Variants in ZC3H12B observed in about 807,000 individuals in gnomAD.
ZC3H12B encodes zinc finger CCCH-type containing 12B.
In ZC3H12B, 7 loss-of-function variants were observed where a neutral mutation model predicts 43.9. The observed-to-expected ratio is 0.16, with a 90% CI of 0.09 to 0.30. ZC3H12B has a LOEUF of 0.30. ZC3H12B is among the 10% of genes least tolerant of loss of function. ZC3H12B has a pLI of 1.00. For missense variants in ZC3H12B, 475 were observed against 670.2 expected, an observed-to-expected ratio of 0.71 and a Z score of 3.22; for synonymous variants, 222 against 241.7, an observed-to-expected ratio of 0.92 and a Z score of 0.76.
At chrX:65,398,203 A>C (rs951477884) in intron 2 of ZC3H12B, among the ~76,000 whole-genome samples, 2 of 111,852 alleles carry the variant, frequency 1.8e-5, no homozygotes, top group African/African-American at 6.5e-5. Context: ...ACCCAAAGCA[A>C]TCTATAGATT....
the ZC3H12B span, among the ~76,000 whole-genome samples, chrX:65,159,469 G>T: frequency 9.0e-6 from 1 of 111,450 alleles, no homozygotes; most frequent in Non-Finnish European, 1.9e-5. Context: ...TTCTCCTTCA[G>T]GAGGTCCTTC....
At chrX:65,113,047 G>T in the ZC3H12B span, among the ~76,000 whole-genome samples, 1 of 111,456 alleles carries the variant, frequency 9.0e-6, no homozygotes, top group Non-Finnish European at 1.9e-5. Flanking sequence ...AACATTAACA[G>T]GAATTTGGAA....
At chrX:65,452,591 A>G (rs1489704283) in intron 3 of ZC3H12B, among the ~76,000 whole-genome samples, 2 of 112,030 alleles carry the variant, frequency 1.8e-5, no homozygotes, top group African/African-American at 6.5e-5. Flanking sequence ...CTGTAATCCC[A>G]ACACTTTGGG....
At chrX:65,386,686 A>G (rs1006739101) in intron 2 of ZC3H12B, among the ~76,000 whole-genome samples, 2 of 110,913 alleles carry the variant, frequency 1.8e-5, no homozygotes, top group African/African-American at 6.6e-5. Flanking sequence ...GCCTTCTGCT[A>G]CCTTTTGAAC....
At chrX:65,355,926 C>G in the ZC3H12B span, among the ~76,000 whole-genome samples, 2 of 111,836 alleles carry the variant, frequency 1.8e-5, no homozygotes, top group African/African-American at 6.5e-5. Flanking sequence ...TTGCACTCCA[C>G]CCTGGGTGAC....
chrX:65,276,959 C>G, the ZC3H12B span, among the ~76,000 whole-genome samples: 1 of 111,339 alleles, frequency 9.0e-6, no homozygotes, highest in African/African-American at 3.3e-5. Context: ...CAAGACCCAA[C>G]TATATTCTGA....
At chrX:65,363,806 A>G (rs748076818), upstream of ZC3H12B, among the ~76,000 whole-genome samples, 5 of 111,716 alleles carry the variant, frequency 4.5e-5, no homozygotes, top group African/African-American at 1.6e-4. Flanking sequence ...ATCACAAACT[A>G]TGCTCAACTC....
the ZC3H12B span, among the ~76,000 whole-genome samples, chrX:65,064,324 T>C: frequency 9.7e-4 from 109 of 112,211 alleles, 1 homozygote; most frequent in Non-Finnish European, 1.7e-3. Flanking sequence ...CTTCTTTAGC[T>C]GTGTCCCAGA....
chrX:65,253,738 T>C, the ZC3H12B span, among the ~76,000 whole-genome samples: 2 of 111,851 alleles, frequency 1.8e-5, no homozygotes, highest in Non-Finnish European at 3.8e-5. Flanking sequence ...ATCATAGCTT[T>C]GTGCTGGAAG....
At chrX:65,190,624 C>T in the ZC3H12B span, among the ~76,000 whole-genome samples, 6 of 107,340 alleles carry the variant, frequency 5.6e-5, no homozygotes, top group Admixed American at 4.0e-4. Flanking sequence ...TATAAGAATG[C>T]TTGTGATTTT....
the ZC3H12B span, among the ~76,000 whole-genome samples, chrX:65,181,221 C>T: frequency 6.3e-5 from 7 of 111,294 alleles, no homozygotes; most frequent in Admixed American, 5.8e-4. Flanking sequence ...TGAAACTGGA[C>T]CCCCTTTTTA....
At chrX:65,383,567 C>A (rs1212534364) in intron 2 of ZC3H12B, among the ~76,000 whole-genome samples, 2 of 111,356 alleles carry the variant, frequency 1.8e-5, no homozygotes, top group East Asian at 2.8e-4. Context: ...TCTAAAACAC[C>A]AAAAGCAATG....
chrX:65,390,354 T>A (rs1034085698), intron 2 of ZC3H12B, among the ~76,000 whole-genome samples: 1 of 110,767 alleles, frequency 9.0e-6, no homozygotes, highest in Non-Finnish European at 1.9e-5. Context: ...AGTATACATA[T>A]GTAACAAACC....
At chrX:65,474,621 T>C (rs1428227402) in intron 3 of ZC3H12B, among the ~76,000 whole-genome samples, 3 of 111,340 alleles carry the variant, frequency 2.7e-5, no homozygotes, top group Non-Finnish European at 5.7e-5. Context: ...TATATTTTTT[T>C]TTTTTCTGAG....
upstream of ZC3H12B, among the ~76,000 whole-genome samples, chrX:65,362,199 G>A (rs1569374204): frequency 9.0e-6 from 1 of 111,623 alleles, no homozygotes; most frequent in Non-Finnish European, 1.9e-5. Context: ...GACACTGCCC[G>A]ATCGCCTCAA....
At chrX:65,445,729 C>T (rs1351887214) in intron 3 of ZC3H12B, among the ~76,000 whole-genome samples, 1 of 112,200 alleles carries the variant, frequency 8.9e-6, no homozygotes, top group Non-Finnish European at 1.9e-5. Context: ...TTATGTCTTT[C>T]CCTTGAGGAT....
chrX:65,209,248 C>T, the ZC3H12B span, among the ~76,000 whole-genome samples: 4 of 9,941 alleles, frequency 4.0e-4, no homozygotes, highest in South Asian at 0.018. Flanking sequence ...TCTTGCTTTT[C>T]TAGTTCTTTT....
At chrX:65,417,765 A>G (rs1391651504) in intron 3 of ZC3H12B, among the ~76,000 whole-genome samples, 1 of 112,972 alleles carries the variant, frequency 8.9e-6, no homozygotes, top group East Asian at 2.8e-4. Context: ...CCTCTGAATG[A>G]GCATCCTGAG....
chrX:65,393,848 C>T (rs753260273), intron 2 of ZC3H12B, among the ~76,000 whole-genome samples: 2 of 112,196 alleles, frequency 1.8e-5, no homozygotes, highest in South Asian at 7.4e-4. Flanking sequence ...TCTCTGCATC[C>T]TCTCCAGCAT....
Sources: gnomAD v4.1 joint callset for allele counts (sites outside exome capture counted in the v4.1 genomes callset) on GRCh38, gnomAD v4.1.1 for gene constraint, MANE v1.5 for transcripts, NCBI Gene and HGNC (gene_info 2026-07-23, HGNC 2026-07-21) for gene names.